The following RAPGEF6 variants were observed in gnomAD, a reference collection of about 807,000 sequenced individuals.
RAPGEF6 encodes Rap guanine nucleotide exchange factor 6.
A neutral mutation model predicts 171.4 loss-of-function variants in RAPGEF6; 56 were observed. The observed-to-expected ratio is 0.33, with a 90% CI of 0.26 to 0.41. RAPGEF6 has a LOEUF of 0.41. RAPGEF6 is among the 10% of genes least tolerant of loss of function. The pLI is 1.00. For missense variants in RAPGEF6, 1,674 were observed against 1,921.4 expected (o/e 0.87, Z 2.41); for synonymous variants, 692 against 650.1 (o/e 1.06, Z -0.98).
intron 4 of RAPGEF6, among the ~76,000 whole-genome samples, chr5:131,583,515 C>G (rs1026412955): frequency 1.8e-4 from 27 of 152,280 alleles, no homozygotes; most frequent in Non-Finnish European, 4.4e-5. Flanking sequence ...TCTGCTGATT[C>G]CAAATTTTCG....
chr5:131,572,531 T>A lies in RAPGEF6; in HGVS notation c.282-10484A>T, dbSNP rs554189598. Among the ~76,000 whole-genome samples, 110 of 152,268 alleles carry A rather than the reference T, an allele frequency of 7.2e-4. 2 individuals carry two copies. In the South Asian group the frequency reaches 0.012, roughly 16 times the overall value. On this transcript the variant is annotated intron_variant, in intron 4 of 27. Coordinates refer to ENST00000509018, the MANE Select transcript of RAPGEF6 (RefSeq NM_016340.6). ...ATCACCACAGGGACGCCTGCCTTGA[T>A]CATTCACCCACATTCCCTTGGTGGC... is the stretch of plus-strand genomic sequence containing the variant.
At chr5:131,502,453 A>G (rs1329223049) in intron 11 of RAPGEF6, among the ~76,000 whole-genome samples, 1 of 152,226 alleles carries the variant, frequency 6.6e-6, no homozygotes, top group African/African-American at 2.4e-5. Context: ...AGACACCAAC[A>G]TGATCAGTAA....
At chr5:131,456,421 G>A (rs1753507457) in intron 19 of RAPGEF6, among the ~76,000 whole-genome samples, 1 of 152,134 alleles carries the variant, frequency 6.6e-6, no homozygotes, top group Admixed American at 6.5e-5. Flanking sequence ...AATAACTGGA[G>A]CTAATTCTGC....
At chr5:131,551,677 A>C (rs1760937231) in intron 5 of RAPGEF6, among the ~76,000 whole-genome samples, 1 of 152,212 alleles carries the variant, frequency 6.6e-6, no homozygotes, top group African/African-American at 2.4e-5. Flanking sequence ...GTCTTTTACT[A>C]TCTACCACTT....
At chr5:131,540,200 T>C (rs1760042111) in intron 6 of RAPGEF6, among the ~76,000 whole-genome samples, 1 of 152,196 alleles carries the variant, frequency 6.6e-6, no homozygotes, top group Admixed American at 6.5e-5. Flanking sequence ...GGTAGTCTAC[T>C]AAGGAACTTG....
chr5:131,589,165 T>A (rs2149999989), intron 4 of RAPGEF6, among the ~76,000 whole-genome samples: 1 of 152,170 alleles, frequency 6.6e-6, no homozygotes, highest in African/African-American at 2.4e-5. Context: ...AATCACAAAG[T>A]AAAGGACACA....
At position 131,548,251 on chromosome 5, in the gene RAPGEF6, A is replaced by G. The variant is rs1760681762; in HGVS notation, c.352-61T>C. On this transcript the variant is annotated intron_variant, in intron 5 of 27. Coordinates refer to ENST00000509018, the MANE Select transcript of RAPGEF6 (RefSeq NM_016340.6). ...AATTTTTCCATATTATTGACAATCT[A>G]TGGAGTCTTAACAGACTCATAAGGA... 3 of 1,557,398 alleles carry G rather than the reference A, an allele frequency of 1.9e-6. No homozygotes were observed. The African/African-American group carries it at 4.1e-5, about 21-fold the overall frequency.
chr5:131,632,788 A>G lies in RAPGEF6; in HGVS notation c.69+2174T>C, dbSNP rs1766394327. On this transcript the variant is annotated intron_variant, in intron 1 of 27. Coordinates refer to ENST00000509018, the MANE Select transcript of RAPGEF6 (RefSeq NM_016340.6). ...TATTTATCACAAACAAATCATCACT[A>G]GGATTCAGATTTCCTTCTTCATACT... 4.6e-5 allele frequency among the ~76,000 whole-genome samples: 7 copies of G among 152,226 alleles called. No individual in the cohort carries two copies. In the South Asian group the frequency reaches 1.4e-3, roughly 32 times the overall value.
intron 6 of RAPGEF6, among the ~76,000 whole-genome samples, chr5:131,524,160 C>A (rs1240332759): frequency 6.6e-6 from 1 of 152,042 alleles, no homozygotes. Context: ...AAAATGACTC[C>A]AGATGGAAGC....
intron 22 of RAPGEF6, among the ~76,000 whole-genome samples, chr5:131,445,845 A>G (rs1752657433): frequency 6.6e-6 from 1 of 152,142 alleles, no homozygotes; most frequent in South Asian, 2.1e-4. Flanking sequence ...GCCTTAACCT[A>G]CAATTTAAGA....
intron 16 of RAPGEF6, among the ~76,000 whole-genome samples, chr5:131,476,635 AG>A: frequency 6.6e-6 from 1 of 151,964 alleles, no homozygotes; most frequent in East Asian, 1.9e-4. Flanking sequence ...TAATTTTTGT[AG>A]TTCTCTTGCC....
At chr5:131,507,042 A>C (rs994018675) in intron 9 of RAPGEF6, among the ~76,000 whole-genome samples, 6 of 150,668 alleles carry the variant, frequency 4.0e-5, no homozygotes, top group Non-Finnish European at 7.4e-5. Context: ...TCTATCAAAT[A>C]ATTTTAAAAA....
In RAPGEF6 at chr5:131,635,175, T is replaced by C; in HGVS notation, c.-145A>G. The C allele has an allele frequency of 1.2e-6, 1 of 813,364 alleles. No homozygotes were observed. The highest frequency in any genetic ancestry group is 1.9e-6 in the Non-Finnish European group (1 of 537,184). The allele number at this position is 813,364 out of a possible 1,614,324, so 50.4% of individuals were successfully genotyped here. On this transcript the variant is annotated 5_prime_UTR_variant, in exon 1 of 28. Transcript: ENST00000509018. ...AGGTCCGAACTCTAGCAAACAACCC[T>C]TCGCAACGCCCGCCTAAGGCCTCTA...
intron 6 of RAPGEF6, among the ~76,000 whole-genome samples, chr5:131,525,187 G>A (rs1758793523): frequency 6.6e-6 from 1 of 152,056 alleles, no homozygotes. Flanking sequence ...GACCTAAAGA[G>A]TATAGACATA....
chr5:131,563,923 A>C (rs1761765635), intron 4 of RAPGEF6, among the ~76,000 whole-genome samples: 2 of 152,214 alleles, frequency 1.3e-5, no homozygotes, highest in Admixed American at 1.3e-4. Context: ...AGATGGAATA[A>C]CAGGGACTGG....
intron 6 of RAPGEF6, among the ~76,000 whole-genome samples, chr5:131,536,622 A>G (rs1343402951): frequency 6.6e-6 from 1 of 152,114 alleles, no homozygotes; most frequent in Non-Finnish European, 1.5e-5. Context: ...AGAAAAACCA[A>G]GAAGGAGAGA....
intron 5 of RAPGEF6, among the ~76,000 whole-genome samples, chr5:131,559,364 C>A (rs138557101): frequency 1.6e-4 from 25 of 151,970 alleles, no homozygotes; most frequent in Non-Finnish European, 8.8e-5. Flanking sequence ...AAATAAAAAT[C>A]TCCCACTGTG....
intron 4 of RAPGEF6, among the ~76,000 whole-genome samples, chr5:131,570,485 T>G (rs1762212349): frequency 6.6e-6 from 1 of 152,124 alleles, no homozygotes. Flanking sequence ...CACATGGCCA[T>G]ATAAAGACTT....
At chr5:131,493,052 T>TTTAC (rs780327577) in intron 13 of RAPGEF6, among the ~76,000 whole-genome samples, 64 of 20,242 alleles carry the variant, frequency 3.2e-3, no homozygotes, top group African/African-American at 0.011. Context: ...CATTTATTTA[T>TTTAC]TTATTTATTT....
Sources: gnomAD v4.1 joint callset for allele counts (sites outside exome capture counted in the v4.1 genomes callset) on GRCh38, gnomAD v4.1.1 for gene constraint, MANE v1.5 for transcripts, NCBI Gene and HGNC (gene_info 2026-07-23, HGNC 2026-07-21) for gene names.